Variants in DNMT1 observed in about 807,000 individuals in gnomAD.
The protein encoded by DNMT1 is DNA methyltransferase 1.
Under a neutral mutation model 205.3 loss-of-function variants are expected in DNMT1, and 24 were observed. The ratio of observed to expected loss-of-function variants is 0.12; its 90% CI spans 0.08 to 0.16. The LOEUF (loss-of-function observed/expected upper bound fraction) is 0.16, where lower values mean the gene tolerates loss of function less well. Among genes scored for constraint, DNMT1 ranks in the 10% least tolerant of loss-of-function variants. DNMT1 has a pLI of 1.00. For synonymous variants in DNMT1, 817 were observed against 839.8 expected (o/e 0.97, Z 0.47); for missense variants, 1,293 against 2,177.7 (o/e 0.59, Z 8.09).
intron 28 of DNMT1, among the ~76,000 whole-genome samples, chr19:10,145,752 G>A (rs1468159238): frequency 2.0e-5 from 3 of 152,250 alleles, no homozygotes; most frequent in Non-Finnish European, 4.4e-5. Flanking sequence ...GGACGGAGAG[G>A]AGGTGTCCTT....
chr19:10,148,249 C>T (rs1319386710), intron 27 of DNMT1, among the ~76,000 whole-genome samples: 2 of 151,142 alleles, frequency 1.3e-5, no homozygotes. Context: ...GTAATCCCAG[C>T]ACTTTGGGAG....
rs748913232 is a variant in DNMT1, at chr19:10,154,609, C to T, written c.1809G>A (p.Leu603=). 5 of 1,614,074 alleles carry T rather than the reference C, an allele frequency of 3.1e-6. No homozygotes were observed. Among genetic ancestry groups the T allele is most frequent in the Non-Finnish European group, 1.7e-6 (2 of 1,179,966 alleles). The part of the protein sequence containing the change: ...LTPCMRDLIK[L]AGVTLGQRRA... ...ACCTCTGTCCCAGCGTGACCCCAGC[C>T]AGCTTGATCAGGTCCCGCATGCAGG... The change falls in exon 21 of 41, where the codon CTG becomes CTA. Residue 603 remains leucine (L), a synonymous_variant. Transcript: ENST00000359526. This position sits in a 1 kb window ranked among gnomAD's most constrained non-coding sequence, Gnocchi z 6.3.
chr19:10,136,576 T>C (rs1169586293), intron 37 of DNMT1, among the ~76,000 whole-genome samples: 2 of 151,956 alleles, frequency 1.3e-5, no homozygotes, highest in African/African-American at 2.4e-5. Flanking sequence ...GCTGGGATTA[T>C]AGGCGTGCGA....
chr19:10,149,729 G>C, intron 25 of DNMT1, 72 bp from the exon 26 acceptor site: 2 of 1,609,938 alleles, frequency 1.2e-6, no homozygotes, highest in Non-Finnish European at 1.7e-6. Flanking sequence ...GTCTATGCAG[G>C]AGCACTCGTC....
intron 28 of DNMT1, among the ~76,000 whole-genome samples, chr19:10,145,220 C>G (rs1002997958): frequency 5.3e-5 from 8 of 152,204 alleles, no homozygotes; most frequent in African/African-American, 1.7e-4. Context: ...CCACTAGGCC[C>G]CCCAGGAGTC....
In DNMT1 at chr19:10,137,299, C is replaced by G. The variant is rs2290683; in HGVS notation, c.4294-19G>C. 6,204 of 1,590,962 alleles carry G rather than the reference C, an allele frequency of 3.9e-3. 127 individuals are homozygous for G. The highest frequency in any genetic ancestry group is 0.035 in the East Asian group (1,547 of 43,998). ...TCATGTCCTGAAAGAGTGTGGGGGG[C>G]CCAGCTGTCACCTCATGTGAGCAGC... On this transcript the variant is annotated intron_variant, in intron 36 of 40. Coordinates refer to ENST00000359526, the MANE Select transcript of DNMT1 (RefSeq NM_001130823.3). The surrounding 1 kb of genome is among the most constrained non-coding windows in gnomAD (Gnocchi z 6.4).
In DNMT1 at chr19:10,151,342, G is replaced by A; in HGVS notation, c.2265+56C>T. On this transcript the variant is annotated intron_variant, in intron 24 of 40. Transcript: ENST00000359526. This position sits in a 1 kb window ranked among gnomAD's most constrained non-coding sequence, Gnocchi z 5.0. Reference sequence around the variant, plus strand: ...GGTCAGGTTGGCGAGATACTAGAGGGCAACCTGCTTATTGGGAACATGGCA... The same window carrying A: ...GGTCAGGTTGGCGAGATACTAGAGGACAACCTGCTTATTGGGAACATGGCA... 6.2e-7 allele frequency: 1 copy of A among 1,604,112 alleles called. No individual in the cohort carries two copies. The highest frequency in any genetic ancestry group is 8.5e-7 in the Non-Finnish European group (1 of 1,179,770).
intron 37 of DNMT1, 95 bp downstream of exon 37, chr19:10,136,990 T>C: frequency 2.0e-6 from 3 of 1,507,252 alleles, no homozygotes; most frequent in Non-Finnish European, 2.7e-6. Context: ...GGTGTGTCTG[T>C]GCCCTGCCCT....
At chr19:10,163,248 C>A in intron 12 of DNMT1, 78 bp downstream of exon 12, 1 of 1,524,618 alleles carries the variant, frequency 6.6e-7, no homozygotes, top group Non-Finnish European at 9.1e-7. Context: ...ATTACAGGTG[C>A]AAGCCACCAC....
chr19:10,175,438 C>A, intron 7 of DNMT1, 102 bp downstream of exon 7: 1 of 1,401,928 alleles, frequency 7.1e-7, no homozygotes, highest in East Asian at 2.3e-5. Context: ...AAATAGAGCC[C>A]TAGACAGGGT....
intron 7 of DNMT1, 61 bp downstream of exon 7, chr19:10,175,479 G>A: frequency 6.3e-7 from 1 of 1,594,244 alleles, no homozygotes; most frequent in East Asian, 2.2e-5. Context: ...CACATATGAA[G>A]TCACAATCAT....
At position 10,137,409 on chromosome 19, in the gene DNMT1, ACAGT is replaced by A; in HGVS notation, c.4294-133_4294-130del. On this transcript the variant is annotated intron_variant, in intron 36 of 40. Transcript: ENST00000359526. The surrounding 1 kb of genome is among the most constrained non-coding windows in gnomAD (Gnocchi z 6.4). ...GGGGCTCACGCCCATCGGGAAAGAG[ACAGT>A]CAGGGATATCGCACTTGGCTCGAGG... is the stretch of plus-strand genomic sequence containing the variant. 5 of 1,198,478 alleles carry A rather than the reference ACAGT, an allele frequency of 4.2e-6. No homozygotes were observed. Among genetic ancestry groups the A allele is most frequent in the Non-Finnish European group, 5.8e-6 (5 of 855,916 alleles). 74.2% of individuals were successfully genotyped at this position (1,198,478 alleles called of 1,614,324 possible).
intron 9 of DNMT1, among the ~76,000 whole-genome samples, 166 bp from the exon 10 acceptor site, chr19:10,168,530 C>T (rs1200966680): frequency 6.6e-6 from 1 of 152,166 alleles, no homozygotes; most frequent in African/African-American, 2.4e-5. Context: ...AATCTCAGAA[C>T]TTTGGAAGGC....
rs1410124311 is a variant in DNMT1 at position 10,138,727 on chromosome 19, G to A, written c.3949-122C>T. On this transcript the variant is annotated intron_variant, in intron 34 of 40. Coordinates refer to ENST00000359526, the MANE Select transcript of DNMT1 (RefSeq NM_001130823.3). The surrounding 1 kb of genome is among the most constrained non-coding windows in gnomAD (Gnocchi z 4.1). Reference sequence around the variant, plus strand: ...TGGCTGGCCAATGCGGAGTGCACTTGCAGAAATCCCCAGTTACCTCAGCAG... The same window carrying A: ...TGGCTGGCCAATGCGGAGTGCACTTACAGAAATCCCCAGTTACCTCAGCAG... The A allele has an allele frequency of 5.4e-6, 7 of 1,293,608 alleles. No homozygotes were observed. Among genetic ancestry groups the A allele is most frequent in the Non-Finnish European group, 7.4e-6 (7 of 948,410 alleles). The allele number at this position is 1,293,608 out of a possible 1,614,324, so 80.1% of individuals were successfully genotyped here. A position where few individuals can be genotyped will look rare whatever the true frequency, so the allele number is the denominator to read the frequency against.
At chr19:10,152,936 C>CAAA (rs34698448) in intron 22 of DNMT1, among the ~76,000 whole-genome samples, 1 of 72,560 alleles carries the variant, frequency 1.4e-5, no homozygotes, top group African/African-American at 4.5e-5. Context: ...CCTGTCTCTA[C>CAAA]AAAAAAAAAA....
intron 2 of DNMT1, among the ~76,000 whole-genome samples, 167 bp from the exon 3 acceptor site, chr19:10,181,052 C>T (rs1016080565): frequency 6.6e-6 from 1 of 152,122 alleles, no homozygotes; most frequent in African/African-American, 2.4e-5. Flanking sequence ...AGGGAATTTC[C>T]ATTAGGATCA....
chr19:10,167,732 G>C (rs2038725666), intron 10 of DNMT1, among the ~76,000 whole-genome samples: 1 of 152,210 alleles, frequency 6.6e-6, no homozygotes, highest in Non-Finnish European at 1.5e-5. Flanking sequence ...TTGTCACACA[G>C]CATTTTCACA....
intron 22 of DNMT1, among the ~76,000 whole-genome samples, chr19:10,153,129 T>A (rs2038384678): frequency 6.6e-6 from 1 of 152,004 alleles, no homozygotes; most frequent in African/African-American, 2.4e-5. Flanking sequence ...AAGTTAAGAA[T>A]ACACACCCAC....
At chr19:10,142,749 T>TCC (rs2089627039) in intron 29 of DNMT1, 1 of 161,688 alleles carries the variant, frequency 6.2e-6, no homozygotes, top group Admixed American at 5.7e-5. Flanking sequence ...AGATAACCCC[T>TCC]CCCCAAATGA....
Sources: gnomAD v4.1 joint callset for allele counts (sites outside exome capture counted in the v4.1 genomes callset) on GRCh38, gnomAD v4.1.1 for gene constraint, Gnocchi (gnomAD v3.1) non-coding constraint, MANE v1.5 for transcripts, NCBI Gene and HGNC (gene_info 2026-07-23, HGNC 2026-07-21) for gene names.